Variants in ABCC11 observed in about 807,000 individuals in gnomAD.
ABCC11 encodes the protein ATP-binding cassette sub-family C member 11.
Under a neutral mutation model 149.3 loss-of-function variants are expected in ABCC11, and 135 were observed. The ratio of observed to expected loss-of-function variants is 0.90; its 90% CI spans 0.79 to 1.04. ABCC11 has a LOEUF of 1.04. Among genes scored for constraint, ABCC11 ranks in the 50% least tolerant of loss-of-function variants. The probability of loss-of-function intolerance (pLI) is 0.00; values close to 1 mark genes in which losing one functional copy is unlikely to be tolerated. For synonymous variants in ABCC11, 665 were observed against 671.4 expected (o/e 0.99, Z 0.15); for missense variants, 1,680 against 1,722.1 (o/e 0.98, Z 0.43).
rs762227083 is a variant in ABCC11, at chr16:48,187,416, G to A, written c.2718C>T (p.Cys906=). The change falls in exon 21 of 30, where the codon TGC becomes TGT. Residue 906 remains cysteine, a synonymous_variant. Transcript: ENST00000356608. The part of the protein sequence containing the change: ...HNKLFNKVFR[C]PMSFFDTIPI... ...GGATGGTGTCAAAGAAACTCATGGG[G>A]CAGCGGAAAACCTGCAGGGACAAAA... is the stretch of plus-strand genomic sequence containing the variant. The A allele has an allele frequency of 3.1e-6, 5 of 1,611,964 alleles. No individual in the cohort carries two copies. Among genetic ancestry groups the A allele is most frequent in the African/African-American group, 2.7e-5 (2 of 74,850 alleles).
intron 26 of ABCC11, among the ~76,000 whole-genome samples, chr16:48,174,896 G>A (rs1965943886): frequency 2.6e-5 from 4 of 152,118 alleles, no homozygotes; most frequent in Admixed American, 2.0e-4. Flanking sequence ...CTATTCACAG[G>A]CACAGTCATA....
At chr16:48,168,410 G>C (rs1031003144) in intron 28 of ABCC11, among the ~76,000 whole-genome samples, 12 of 152,176 alleles carry the variant, frequency 7.9e-5, no homozygotes, top group African/African-American at 2.9e-4. Context: ...CCCAGGCTTT[G>C]GGCCCCACTG....
chr16:48,165,799 G>T lies in ABCC11; in HGVS notation c.*1475C>A, dbSNP rs1172070318. 6.6e-6 allele frequency: 1 copy of T among 152,106 alleles called. No individual in the cohort carries two copies. The highest frequency in any genetic ancestry group is 1.5e-5 in the Non-Finnish European group (1 of 68,014). 9.4% of individuals were successfully genotyped at this position (152,106 alleles called of 1,614,324 possible). A position where few individuals can be genotyped will look rare whatever the true frequency, so the allele number is the denominator to read the frequency against. On this transcript the variant is annotated 3_prime_UTR_variant, in exon 30 of 30. Transcript: ENST00000356608. Reference sequence around the variant, plus strand: ...TGGTTTACTAAATTGATTTTTTATGGCATTTTTTGAAAATCAGACATCATA... The same window carrying T: ...TGGTTTACTAAATTGATTTTTTATGTCATTTTTTGAAAATCAGACATCATA...
intron 1 of ABCC11, among the ~76,000 whole-genome samples, chr16:48,246,183 A>G (rs540920964): frequency 6.6e-6 from 1 of 152,220 alleles, no homozygotes; most frequent in East Asian, 1.9e-4. Flanking sequence ...CCCAGTATTC[A>G]TTTATATTGT....
chr16:48,216,085 A>G, intron 7 of ABCC11, 29 bp downstream of exon 7: 1 of 1,608,752 alleles, frequency 6.2e-7, no homozygotes, highest in Non-Finnish European at 8.5e-7. Flanking sequence ...GGGGCCCAGC[A>G]TCAAATGGGT....
In ABCC11 at chr16:48,213,472, TCGTGAGACCTTTGA is replaced by T. The variant is rs1969089947; in HGVS notation, c.1313_1326del (p.Val438GlufsTer35). The T allele has an allele frequency of 6.2e-7, 1 of 1,612,374 alleles. No individual in the cohort carries two copies. The highest frequency in any genetic ancestry group is 1.3e-5 in the African/African-American group (1 of 74,882). On this transcript the variant is annotated frameshift_variant, in exon 10 of 30. Coordinates refer to ENST00000356608, the MANE Select transcript of ABCC11 (RefSeq NM_001370497.1). LOFTEE classifies it high-confidence loss of function. ...AACCTCATCACTGCAGACTTGGAAT[TCGTGAGACCTTTGA>T]CTGCAATAGGCACAAAGAACACTGA...
At chr16:48,214,119 T>A (rs1194957515) in intron 9 of ABCC11, among the ~76,000 whole-genome samples, 1 of 151,950 alleles carries the variant, frequency 6.6e-6, no homozygotes, top group African/African-American at 2.4e-5. Flanking sequence ...TCCATACCCA[T>A]CTCTCCTTCT....
Position 48,200,315 on chromosome 16 carries a change from G to A in ABCC11, c.2043C>T (p.Leu681=). The A allele has an allele frequency of 6.2e-7, 1 of 1,614,222 alleles. No individual in the cohort carries two copies. Among genetic ancestry groups the A allele is most frequent in the Non-Finnish European group, 8.5e-7 (1 of 1,180,024 alleles). The stretch of plus-strand genomic sequence containing the variant: ...TCACCAGGACGACCGTCTTCCCCCT[G>A]AGTGTCTTCTTAATGCACTCCTCAA... ...HIFEECIKKT[L]RGKTVVLVTH... is the part of the protein sequence containing the mutation. The change falls in exon 15 of 30, where the codon CTC becomes CTT. Residue 681 remains leucine (L), a synonymous_variant. Coordinates refer to ENST00000356608, the MANE Select transcript of ABCC11 (RefSeq NM_001370497.1).
intron 20 of ABCC11, among the ~76,000 whole-genome samples, chr16:48,191,251 A>G (rs1338535429): frequency 1.3e-5 from 2 of 152,288 alleles, no homozygotes; most frequent in South Asian, 2.1e-4. Context: ...AATAAGAGAA[A>G]TGGGCCAGGT....
intron 9 of ABCC11, among the ~76,000 whole-genome samples, chr16:48,214,003 C>CT (rs1162196077): frequency 6.6e-6 from 1 of 152,148 alleles, no homozygotes; most frequent in Non-Finnish European, 1.5e-5. Flanking sequence ...TCAACATCTC[C>CT]TTACCCTTCA....
Position 48,215,362 on chromosome 16 carries a change from C to T in ABCC11, c.952-18G>A, listed in dbSNP as rs777700867. ...ATGAATACCTGGAGTCAGGATACAG[C>T]AAGTTTGGAGTTGATCTGCAAGGGC... is the stretch of plus-strand genomic sequence containing the variant. On this transcript the variant is annotated intron_variant, in intron 7 of 29. Coordinates refer to ENST00000356608, the MANE Select transcript of ABCC11 (RefSeq NM_001370497.1). 1 of 1,609,034 alleles carries T rather than the reference C, an allele frequency of 6.2e-7. No homozygotes were observed. Among genetic ancestry groups the T allele is most frequent in the East Asian group, 2.2e-5 (1 of 44,744 alleles).
At chr16:48,214,041 T>C (rs929761258) in intron 9 of ABCC11, among the ~76,000 whole-genome samples, 4 of 152,130 alleles carry the variant, frequency 2.6e-5, no homozygotes, top group Non-Finnish European at 5.9e-5. Flanking sequence ...ACTGTGACTA[T>C]AGCAAAACAC....
chr16:48,229,590 G>A (rs970660730), intron 3 of ABCC11, among the ~76,000 whole-genome samples: 2 of 146,500 alleles, frequency 1.4e-5, no homozygotes, highest in Non-Finnish European at 3.0e-5. Flanking sequence ...TCAGCCTCCT[G>A]AGTAGCTGGG....
chr16:48,175,279 A>T lies in ABCC11; in HGVS notation c.3677T>A (p.Val1226Glu). ...TCACCTGATGGTTCCTGAGAGCAGC[A>T]CTGGATCTTGAGGGATCACTGAGAG... ...SKLSVIPQDP[V>E]LLSGTIRFNL... The change falls in exon 26 of 30, where the codon GTG (valine) becomes GAG (glutamate). Residue 1226 changes from valine to glutamate, a missense_variant. Coordinates refer to ENST00000356608, the MANE Select transcript of ABCC11 (RefSeq NM_001370497.1). 1 of 1,613,644 alleles carries T rather than the reference A, an allele frequency of 6.2e-7. No individual in the cohort carries two copies. The highest frequency in any genetic ancestry group is 2.2e-5 in the East Asian group (1 of 44,866).
intron 5 of ABCC11, 102 bp from the exon 6 acceptor site, chr16:48,222,933 GT>G: frequency 1.0e-6 from 1 of 993,018 alleles, no homozygotes; most frequent in Non-Finnish European, 1.5e-6. Context: ...CATGCTGGGG[GT>G]TTGTTGAAGG....
rs1336183886 is a variant in ABCC11, at chr16:48,200,375, CAG to C, written c.1981_1982del (p.Leu661ValfsTer13). Reference sequence around the variant, plus strand: ...TCCCCACGTGGGCGTCCACAGCAGACAGGGGGTCGTCCAGCAGGTAGATCTGA... The same window carrying C: ...TCCCCACGTGGGCGTCCACAGCAGACGGGGTCGTCCAGCAGGTAGATCTGA... ...DRQIYLLDDPLSAVDAHVGKH... is the reference protein window; with the variant it reads ...DRQIYLLDDPXSAVDAHVGKH... On this transcript the variant is annotated frameshift_variant, in exon 15 of 30. Transcript: ENST00000356608. LOFTEE classifies it high-confidence loss of function. 5.6e-6 allele frequency: 9 copies of C among 1,614,246 alleles called. No individual in the cohort carries two copies. The East Asian group carries it at 6.7e-5, about 12-fold the overall frequency.
intron 5 of ABCC11, 36 bp from the exon 6 acceptor site, chr16:48,222,867 C>T: frequency 1.3e-6 from 2 of 1,529,188 alleles, no homozygotes; most frequent in South Asian, 1.2e-5. Context: ...ATTCAGACCA[C>T]CCTGCCAGAC....
intron 13 of ABCC11, among the ~76,000 whole-genome samples, chr16:48,203,970 A>G (rs1309110433): frequency 6.6e-6 from 1 of 152,196 alleles, no homozygotes; most frequent in Non-Finnish European, 1.5e-5. Flanking sequence ...ATAGGTTATT[A>G]TTGTTTTAAT....
chr16:48,211,197 C>T lies in ABCC11; in HGVS notation c.1359G>A (p.Lys453=), dbSNP rs199607177. 3.6e-5 allele frequency: 58 copies of T among 1,613,544 alleles called. 1 individual carries two copies. In the South Asian group the frequency reaches 5.7e-4, roughly 16 times the overall value. The change falls in exon 11 of 30, where the codon AAG becomes AAA. Residue 453 remains lysine, a splice_region_variant and synonymous_variant. Coordinates refer to ENST00000356608, the MANE Select transcript of ABCC11 (RefSeq NM_001370497.1). ...NSKSAVMRFK[K]FFLQESPVFY... ...AAACAGGGCTCTCCTGGAGGAAAAA[C>T]TTCTGTAAAGACAGAAAAAAATAGA...
Sources: allele counts gnomAD v4.1 joint callset (sites outside exome capture counted in the v4.1 genomes callset), GRCh38; gene constraint gnomAD v4.1.1; transcripts MANE v1.5; gene names NCBI Gene and HGNC (gene_info 2026-07-23, HGNC 2026-07-21).